CHODL: variants seen among roughly 807,000 people sequenced by gnomAD.
CHODL encodes the protein chondrolectin, also known as transmembrane protein MT75.
A neutral mutation model predicts 34.5 loss-of-function variants in CHODL; 29 were observed. That is an observed-to-expected ratio of 0.84 (90% CI 0.63 to 1.15). The LOEUF (loss-of-function observed/expected upper bound fraction) is 1.15. Among genes scored for constraint, CHODL ranks in the 50% most tolerant of loss-of-function variants. The pLI, the probability that CHODL is intolerant of heterozygous loss-of-function variation, is 0.00. For missense variants in CHODL, 332 were observed against 332.5 expected (o/e 1.00, Z 0.01); for synonymous variants, 125 against 116.1 (o/e 1.08, Z -0.49).
rs958597452 is a variant in CHODL, at chr21:18,084,929, G to GTGTGTGTA, written c.-45+56965_-45+56966insATGTGTGT. Among the ~76,000 whole-genome samples the GTGTGTGTA allele has an allele frequency of 3.2e-3, 469 of 147,394 alleles. 6 individuals are homozygous for GTGTGTGTA. Among genetic ancestry groups the GTGTGTGTA allele is most frequent in the African/African-American group, 0.011 (421 of 38,734 alleles). ...TGTTAGGTCTAGTAATAGTGTGTGT[G>GTGTGTGTA]TGTGTGTGTGTGTGTGTGTGTGTGT... On this transcript the variant is annotated intron_variant, in intron 2 of 6. Coordinates refer to the CHODL transcript ENST00000400127.
intron 2 of CHODL, among the ~76,000 whole-genome samples, chr21:18,107,689 C>T (rs987594407): frequency 6.6e-6 from 1 of 152,142 alleles, no homozygotes; most frequent in African/African-American, 2.4e-5. Flanking sequence ...TGGGTAGAAC[C>T]TTGAGCATGA....
At chr21:18,156,437 T>C (rs1331547061) in intron 2 of CHODL, among the ~76,000 whole-genome samples, 1 of 152,146 alleles carries the variant, frequency 6.6e-6, no homozygotes, top group Admixed American at 6.5e-5. Flanking sequence ...CACACATATA[T>C]AGTTATCATT....
In CHODL at chr21:18,245,196, C is replaced by A; in HGVS notation, c.-28C>A. On this transcript the variant is annotated 5_prime_UTR_variant, in exon 1 of 6. Coordinates refer to ENST00000299295, the MANE Select transcript of CHODL (RefSeq NM_024944.3). ...GGGCAGAGGCCGCCCTCGCTCCACG[C>A]AACACCTGCTGCTGCCACCGCGCCG... 6.6e-7 allele frequency: 1 copy of A among 1,515,508 alleles called. No individual in the cohort carries two copies. Among genetic ancestry groups the A allele is most frequent in the Admixed American group, 2.0e-5 (1 of 49,952 alleles). The allele number at this position is 1,515,508 out of a possible 1,614,324, so 93.9% of individuals were successfully genotyped here. A position where few individuals can be genotyped will look rare whatever the true frequency, so the allele number is the denominator to read the frequency against.
At chr21:17,973,518 G>T (rs1368465359) in intron 1 of CHODL, among the ~76,000 whole-genome samples, 1 of 147,360 alleles carries the variant, frequency 6.8e-6, no homozygotes, top group Admixed American at 7.0e-5. Flanking sequence ...CCGAGTTCAC[G>T]CCATTCTCCT....
At chr21:18,185,195 C>T (rs950990422) in intron 2 of CHODL, among the ~76,000 whole-genome samples, 5 of 152,070 alleles carry the variant, frequency 3.3e-5, no homozygotes, top group African/African-American at 1.2e-4. Flanking sequence ...CTGGCAGGCA[C>T]TAGTGTGTGA....
chr21:18,028,277 C>CTTCCTTTCTT (rs377144650), intron 2 of CHODL, among the ~76,000 whole-genome samples: 1 of 98,934 alleles, frequency 1.0e-5, no homozygotes, highest in Admixed American at 1.1e-4. Context: ...TTTCCTTTTC[C>CTTCCTTTCTT]CCTTCCTTCC....
chr21:18,246,029 C>T (rs2074137517), intron 1 of CHODL: 3 of 1,148,724 alleles, frequency 2.6e-6, no homozygotes, highest in Admixed American at 4.0e-5. Flanking sequence ...AATTGGCAAG[C>T]TTCCCAGGTT....
At position 18,092,814 on chromosome 21, in the gene CHODL, G is replaced by A. The variant is rs150657876; in HGVS notation, c.-45+64843G>A. On this transcript the variant is annotated intron_variant, in intron 2 of 6. Transcript: ENST00000400127. The stretch of plus-strand genomic sequence containing the variant: ...GAATACAAAACAGTAAAGCTCACCT[G>A]TAAGATCTAGAAAATAGCCTCAAAA... Among the ~76,000 whole-genome samples the A allele has an allele frequency of 1.1e-4, 16 of 152,258 alleles. No individual in the cohort carries two copies. The East Asian group carries it at 2.7e-3, about 26-fold the overall frequency.
At chr21:18,065,189 T>C (rs1195885114) in intron 2 of CHODL, among the ~76,000 whole-genome samples, 1 of 152,210 alleles carries the variant, frequency 6.6e-6, no homozygotes, top group South Asian at 2.1e-4. Context: ...ACAGAGATTC[T>C]CTTTTTGTAG....
Position 18,054,066 on chromosome 21 carries a change from G to A in CHODL, c.-45+26095G>A, listed in dbSNP as rs192419750. Among the ~76,000 whole-genome samples the A allele has an allele frequency of 4.6e-5, 7 of 151,874 alleles. No individual in the cohort carries two copies. The East Asian group carries it at 1.4e-3, about 29-fold the overall frequency. On this transcript the variant is annotated intron_variant, in intron 2 of 6. Coordinates refer to the CHODL transcript ENST00000400127. ...GTGTAGCTGTGAGTATGGTTTTCCTGGTACAGGCTAATATTAAGCTGTTTT... is the reference window on the plus strand; with the variant it reads ...GTGTAGCTGTGAGTATGGTTTTCCTAGTACAGGCTAATATTAAGCTGTTTT...
intron 3 of CHODL, among the ~76,000 whole-genome samples, chr21:18,257,910 A>G (rs763575814): frequency 3.3e-5 from 5 of 152,166 alleles, no homozygotes; most frequent in Non-Finnish European, 7.4e-5. Context: ...AAAATCATCT[A>G]GAAAGTCAAG....
At chr21:18,217,699 C>G (rs1045056478) in intron 2 of CHODL, among the ~76,000 whole-genome samples, 1 of 152,112 alleles carries the variant, frequency 6.6e-6, no homozygotes, top group African/African-American at 2.4e-5. Context: ...AGCATTAACC[C>G]AAAAGTCCAA....
At chr21:18,007,261 G>C (rs2146407622) in intron 1 of CHODL, among the ~76,000 whole-genome samples, 1 of 152,302 alleles carries the variant, frequency 6.6e-6, no homozygotes, top group African/African-American at 2.4e-5. Flanking sequence ...CACAGGATTT[G>C]TTGTACTCTT....
At chr21:18,147,306 A>T (rs2072904101) in intron 2 of CHODL, among the ~76,000 whole-genome samples, 3 of 152,160 alleles carry the variant, frequency 2.0e-5, no homozygotes, top group African/African-American at 7.2e-5. Context: ...GTCATTGTGG[A>T]AGTAGCTAGA....
chr21:18,264,601 CAAAAAAAA>C (rs564344974), intron 5 of CHODL, among the ~76,000 whole-genome samples: 1 of 68,838 alleles, frequency 1.5e-5, no homozygotes, highest in Non-Finnish European at 3.0e-5. Flanking sequence ...GGGTCTGTCT[CAAAAAAAA>C]AAAAAAAAAA....
intron 5 of CHODL, among the ~76,000 whole-genome samples, chr21:18,263,400 T>C (rs1309459406): frequency 6.6e-6 from 1 of 152,114 alleles, no homozygotes; most frequent in Non-Finnish European, 1.5e-5. Flanking sequence ...GGAAATAAAA[T>C]ACAGCGGTTC....
At chr21:18,086,041 C>CTTTTTTTTTTTT (rs3984977) in intron 2 of CHODL, among the ~76,000 whole-genome samples, 9 of 38,748 alleles carry the variant, frequency 2.3e-4, no homozygotes, top group East Asian at 9.8e-4. Flanking sequence ...AGACTTTGTT[C>CTTTTTTTTTTTT]TTTTTTTTTT....
chr21:18,007,011 A>G (rs917980624), intron 1 of CHODL, among the ~76,000 whole-genome samples: 2 of 152,236 alleles, frequency 1.3e-5, no homozygotes, highest in African/African-American at 4.8e-5. Flanking sequence ...CAGTTGCATC[A>G]TTAAACGTAA....
At chr21:18,051,607 A>G (rs1301848614) in intron 2 of CHODL, among the ~76,000 whole-genome samples, 1 of 151,902 alleles carries the variant, frequency 6.6e-6, no homozygotes, top group African/African-American at 2.4e-5. Flanking sequence ...TTTAGAACTT[A>G]AATGAAAGTG....
Sources: allele counts gnomAD v4.1 joint callset (sites outside exome capture counted in the v4.1 genomes callset), GRCh38; gene constraint gnomAD v4.1.1; transcripts MANE v1.5; gene names NCBI Gene and HGNC (gene_info 2026-07-23, HGNC 2026-07-21).